FBXO7: variants seen among roughly 807,000 people sequenced by gnomAD.
FBXO7 encodes F-box only protein 7.
In FBXO7, 31 loss-of-function variants were observed where a neutral mutation model predicts 50.2. The ratio of observed to expected loss-of-function variants is 0.62; its 90% CI spans 0.46 to 0.83. The LOEUF is 0.83. Among genes scored for constraint, FBXO7 ranks in the 40% least tolerant of loss-of-function variants. The pLI is 0.00. For missense variants in FBXO7, 667 were observed against 646.6 expected (o/e 1.03, Z -0.34); for synonymous variants, 256 against 253.1 (o/e 1.01, Z -0.11).
chr22:32,484,649 A>G lies in FBXO7; in HGVS notation c.646-419A>G, dbSNP rs889894796. Among the ~76,000 whole-genome samples, 91 of 152,354 alleles carry G rather than the reference A, an allele frequency of 6.0e-4. 1 individual carries two copies. The highest frequency in any genetic ancestry group is 2.1e-3 in the African/African-American group (87 of 41,580). On this transcript the variant is annotated intron_variant, in intron 3 of 8. Transcript: ENST00000266087. The stretch of plus-strand genomic sequence containing the variant: ...ACAGGTAAACATAGATAATAATACA[A>G]TTGAAGTGTAATGGAAATATGAATA...
intron 1 of FBXO7, chr22:32,475,690 A>T (rs2057423594): frequency 2.7e-6 from 1 of 373,108 alleles, no homozygotes; most frequent in Non-Finnish European, 4.8e-6. Flanking sequence ...TGCGCCGAGC[A>T]CCGCGGTGAG....
At chr22:32,478,899 G>A in intron 1 of FBXO7, 82 bp from the exon 2 acceptor site, 1 of 1,266,270 alleles carries the variant, frequency 7.9e-7, no homozygotes, top group Non-Finnish European at 1.2e-6. Flanking sequence ...GTCATACTGT[G>A]TACTTATGTA....
chr22:32,478,840 C>T, intron 1 of FBXO7, 141 bp from the exon 2 acceptor site: 1 of 850,524 alleles, frequency 1.2e-6, no homozygotes, highest in East Asian at 2.6e-5. Flanking sequence ...TGAGACCAGC[C>T]TGGACAACAT....
At chr22:32,490,549 G>T (rs564002101) in intron 5 of FBXO7, 1 of 155,100 alleles carries the variant, frequency 6.4e-6, no homozygotes, top group African/African-American at 2.4e-5. Context: ...ACTTGGGTTT[G>T]TGCACTGTTC....
intron 3 of FBXO7, 122 bp from the exon 4 acceptor site, chr22:32,484,945 AT>A: frequency 9.0e-7 from 1 of 1,115,972 alleles, no homozygotes; most frequent in Non-Finnish European, 1.4e-6. Context: ...GATTTGATGC[AT>A]TTTATTAAGA....
At chr22:32,493,057 A>C (rs371065574) in intron 6 of FBXO7, 48 bp from the exon 7 acceptor site, 3 of 1,572,568 alleles carry the variant, frequency 1.9e-6, no homozygotes, top group Non-Finnish European at 2.6e-6. Context: ...AGAAAGCCAG[A>C]TGTTCTTTAC....
rs1408743679 is a variant in FBXO7 at position 32,474,987 on chromosome 22, G to A, written c.-16G>A. The A allele has an allele frequency of 2.0e-6, 3 of 1,531,350 alleles. No homozygotes were observed. The highest frequency in any genetic ancestry group is 2.6e-6 in the Non-Finnish European group (3 of 1,143,346). 94.9% of individuals were successfully genotyped at this position (1,531,350 alleles called of 1,614,324 possible). ...CCGCTTCCGGGTCCAGGCCCCTCGG[G>A]CCGCCTGCCGCCGTCATGAGGCTGC... On this transcript the variant is annotated 5_prime_UTR_variant, in exon 1 of 9. Transcript: ENST00000266087.
At chr22:32,475,663 A>G (rs894599520) in intron 1 of FBXO7, 1 of 490,688 alleles carries the variant, frequency 2.0e-6, no homozygotes, top group South Asian at 3.0e-5. Flanking sequence ...CAACAATTTT[A>G]GATTCTGTTG....
intron 7 of FBXO7, 110 bp from the exon 8 acceptor site, chr22:32,495,383 T>TA (rs757449747): frequency 3.5e-5 from 23 of 657,898 alleles, no homozygotes; most frequent in Non-Finnish European, 5.8e-5. Flanking sequence ...TTTTTTTTTT[T>TA]ATGCTTAACG....
chr22:32,492,787 A>T (rs1414353969), intron 6 of FBXO7: 2 of 330,396 alleles, frequency 6.1e-6, no homozygotes, highest in Admixed American at 4.6e-5. Flanking sequence ...TGTTGTATTG[A>T]ATAATGTTTG....
chr22:32,487,843 A>G lies in FBXO7; in HGVS notation c.871+15A>G. 5 of 1,524,956 alleles carry G rather than the reference A, an allele frequency of 3.3e-6. No individual in the cohort carries two copies. Among genetic ancestry groups the G allele is most frequent in the Non-Finnish European group, 4.5e-6 (5 of 1,100,670 alleles). 94.5% of individuals were successfully genotyped at this position (1,524,956 alleles called of 1,614,324 possible). A position where few individuals can be genotyped will look rare whatever the true frequency, so the allele number is the denominator to read the frequency against. On this transcript the variant is annotated intron_variant, in intron 5 of 8. Coordinates refer to ENST00000266087, the MANE Select transcript of FBXO7 (RefSeq NM_012179.4). ...AGAGAAACTAGGTAATACAAACATT[A>G]TTTAACTTTTGGGGTGAAACTCTGT...
At chr22:32,478,869 C>T in intron 1 of FBXO7, 112 bp from the exon 2 acceptor site, 3 of 1,055,606 alleles carry the variant, frequency 2.8e-6, no homozygotes, top group Non-Finnish European at 4.4e-6. Context: ...CTTGTCTCTT[C>T]ATCACTTAGT....
At chr22:32,484,391 A>G (rs186493739) in intron 3 of FBXO7, among the ~76,000 whole-genome samples, 2 of 152,300 alleles carry the variant, frequency 1.3e-5, no homozygotes, top group East Asian at 3.9e-4. Context: ...CTGATTTAGT[A>G]ACTGTAGAAT....
Position 32,495,496 on chromosome 22 carries a change from A to G in FBXO7, c.1148A>G (p.Asn383Ser), listed in dbSNP as rs757136336. The G allele has an allele frequency of 2.5e-6, 4 of 1,575,096 alleles. No individual in the cohort carries two copies. The highest frequency in any genetic ancestry group is 3.5e-6 in the Non-Finnish European group (4 of 1,146,352). The part of the protein sequence containing the change: ...RFLYLRDFRD[N>S]TVRVQDTDWK... ...ATTTTTCCCTTTTCCTTTGTAGACA[A>G]TACTGTCAGAGTTCAAGACACAGAT... Residue 383 changes from asparagine to serine, a missense_variant, in exon 8 of 9, where the codon AAT becomes AGT. Coordinates refer to ENST00000266087, the MANE Select transcript of FBXO7 (RefSeq NM_012179.4).
intron 1 of FBXO7, 146 bp from the exon 2 acceptor site, chr22:32,478,835 C>G (rs1291458536): frequency 1.2e-6 from 1 of 814,868 alleles, no homozygotes; most frequent in Non-Finnish European, 2.0e-6. Flanking sequence ...GAGCTTGAGA[C>G]CAGCCTGGAC....
intron 5 of FBXO7, chr22:32,490,157 C>G (rs552018202): frequency 6.6e-6 from 1 of 152,152 alleles, no homozygotes; most frequent in Non-Finnish European, 1.5e-5. Context: ...AAGGAGCAAG[C>G]ATAAATTGCC....
chr22:32,493,174 T>C lies in FBXO7; in HGVS notation c.1037T>C (p.Leu346Pro). ...GAACTGAAACTACGGATCTTCCGACTTCTGGATGTTCGTTCCGTCTTGTCT... is the reference window on the plus strand; with the variant it reads ...GAACTGAAACTACGGATCTTCCGACCTCTGGATGTTCGTTCCGTCTTGTCT... Reference protein sequence around the residue: ...PLELKLRIFRLLDVRSVLSLS... With the variant: ...PLELKLRIFRPLDVRSVLSLS... Residue 346 changes from leucine (L) to proline (P), a missense_variant, in exon 7 of 9, where the codon CTT becomes CCT. By Grantham distance (98) the Leu-to-Pro change is moderately conservative. Transcript: ENST00000266087. 8 of 1,614,218 alleles carry C rather than the reference T, an allele frequency of 5.0e-6. No individual in the cohort carries two copies. The highest frequency in any genetic ancestry group is 6.8e-6 in the Non-Finnish European group (8 of 1,180,018).
chr22:32,490,239 T>G (rs1374385404), intron 5 of FBXO7: 1 of 152,224 alleles, frequency 6.6e-6, no homozygotes, highest in African/African-American at 2.4e-5. Flanking sequence ...TGGTGGTGTC[T>G]CCTTTAAACA....
At position 32,481,217 on chromosome 22, in the gene FBXO7, TTTATTTTTAA is replaced by T. The variant is rs1311081790; in HGVS notation, c.417+1943_417+1952del. The stretch of plus-strand genomic sequence containing the variant: ...TTATGTCCAGATATGTGGATTTTAA[TTTATTTTTAA>T]AGTTATTGTTTTATCTGTGTGTTTC... On this transcript the variant is annotated intron_variant, in intron 2 of 8. Coordinates refer to ENST00000266087, the MANE Select transcript of FBXO7 (RefSeq NM_012179.4). Among the ~76,000 whole-genome samples the T allele has an allele frequency of 9.3e-4, 142 of 152,286 alleles. 1 individual carries two copies. The highest frequency in any genetic ancestry group is 3.3e-3 in the African/African-American group (139 of 41,568).
Sources: gnomAD v4.1 joint callset for allele counts (sites outside exome capture counted in the v4.1 genomes callset) on GRCh38, gnomAD v4.1.1 for gene constraint, MANE v1.5 for transcripts, NCBI Gene and HGNC (gene_info 2026-07-23, HGNC 2026-07-21) for gene names.